Variants in NPNT observed in about 807,000 individuals in gnomAD.
NPNT encodes the protein preosteoblast EGF-like repeat protein with MAM domain.
Under a neutral mutation model 68.6 loss-of-function variants are expected in NPNT, and 45 were observed. That is an observed-to-expected ratio of 0.66 (90% CI 0.52 to 0.84). The LOEUF is 0.84. Among genes scored for constraint, NPNT ranks in the 40% least tolerant of loss-of-function variants. The probability of loss-of-function intolerance (pLI) is 0.00; values close to 1 mark genes in which losing one functional copy is unlikely to be tolerated. For synonymous variants in NPNT, 233 were observed against 253.3 expected (o/e 0.92, Z 0.76); for missense variants, 672 against 714.8 (o/e 0.94, Z 0.68).
At chr4:105,930,384 T>A (rs1287241607) in intron 3 of NPNT, among the ~76,000 whole-genome samples, 1 of 152,200 alleles carries the variant, frequency 6.6e-6, no homozygotes, top group Non-Finnish European at 1.5e-5. Context: ...AGTCTCTGCA[T>A]CCATAGACTT....
chr4:105,930,222 A>C (rs971925987), intron 3 of NPNT, among the ~76,000 whole-genome samples: 2 of 152,194 alleles, frequency 1.3e-5, no homozygotes, highest in African/African-American at 4.8e-5. Flanking sequence ...TCTGATTTCT[A>C]AGTTCCTGAA....
Position 105,967,302 on chromosome 4 carries a change from A to G in NPNT, c.1460A>G (p.His487Arg). The G allele has an allele frequency of 6.2e-7, 1 of 1,614,020 alleles. No individual in the cohort carries two copies. The highest frequency in any genetic ancestry group is 8.5e-7 in the Non-Finnish European group (1 of 1,179,998). Residue 487 changes from histidine (H) to arginine (R), a missense_variant, in exon 11 of 12, where the codon CAC becomes CGC. Transcript: ENST00000379987. ...GGGGACCTGTGCCTGTCATTCAGGC[A>G]CAAGGTGACGGGGCTGCACTCTGGC... Reference protein sequence around the residue: ...HSGDLCLSFRHKVTGLHSGTL... With the variant: ...HSGDLCLSFRRKVTGLHSGTL...
intron 3 of NPNT, chr4:105,932,714 A>G (rs747032785): frequency 3.1e-5 from 47 of 1,528,448 alleles, no homozygotes; most frequent in Non-Finnish European, 4.1e-5. Flanking sequence ...GTGAGCGTGC[A>G]TTGTCCCAGG....
At chr4:105,952,533 C>T (rs1278198193) in intron 8 of NPNT, among the ~76,000 whole-genome samples, 1 of 152,144 alleles carries the variant, frequency 6.6e-6, no homozygotes, top group Non-Finnish European at 1.5e-5. Flanking sequence ...CAGAGCGAGA[C>T]TCTATCTCCA....
At chr4:105,959,159 A>C (rs1416020030) in intron 10 of NPNT, 33 bp downstream of exon 10, 1 of 1,349,826 alleles carries the variant, frequency 7.4e-7, no homozygotes, top group East Asian at 2.3e-5. Context: ...TTTCTGGTAC[A>C]CATTTCAATG....
chr4:105,943,415 G>A (rs1320771646), intron 8 of NPNT, among the ~76,000 whole-genome samples: 2 of 152,172 alleles, frequency 1.3e-5, no homozygotes, highest in African/African-American at 2.4e-5. Flanking sequence ...TCATGTCAGG[G>A]ACAGATGAGA....
chr4:105,965,298 CTTAG>C (rs1423206275), intron 10 of NPNT, among the ~76,000 whole-genome samples: 1 of 147,286 alleles, frequency 6.8e-6, no homozygotes, highest in Non-Finnish European at 1.5e-5. Context: ...CAATTTTTCC[CTTAG>C]TTAATGTTCC....
At chr4:105,944,088 T>G (rs10033065) in intron 8 of NPNT, among the ~76,000 whole-genome samples, 132,124 of 152,184 alleles carry the variant, frequency 0.87, 57,960 homozygotes, top group East Asian at 1. Context: ...TAAAGAAAGA[T>G]GGAAATTCTC....
In NPNT at chr4:105,959,908, CAATG is replaced by C. The variant is rs1323171090; in HGVS notation, c.1345+786_1345+789del. Among the ~76,000 whole-genome samples the C allele has an allele frequency of 2.7e-5, 4 of 149,646 alleles. No homozygotes were observed. The East Asian group carries it at 7.9e-4, about 30-fold the overall frequency. On this transcript the variant is annotated intron_variant, in intron 10 of 11. Coordinates refer to ENST00000379987, the MANE Select transcript of NPNT (RefSeq NM_001033047.3). The stretch of plus-strand genomic sequence containing the variant: ...CACTGCAACCTCTGCCTCCTGGGTT[CAATG>C]AATTCTCCTGCCTCAGCCTCCCAAG...
intron 2 of NPNT, among the ~76,000 whole-genome samples, chr4:105,902,362 C>T (rs1451555899): frequency 6.6e-6 from 1 of 152,076 alleles, no homozygotes. Flanking sequence ...AAACGTAAAG[C>T]AATTTTTATA....
intron 2 of NPNT, among the ~76,000 whole-genome samples, chr4:105,904,448 C>T (rs1356759676): frequency 6.6e-6 from 1 of 152,128 alleles, no homozygotes; most frequent in Non-Finnish European, 1.5e-5. Flanking sequence ...TCTTTGATCC[C>T]TTTTCTTTCC....
At chr4:105,901,614 T>C (rs1182493599) in intron 2 of NPNT, among the ~76,000 whole-genome samples, 2 of 152,262 alleles carry the variant, frequency 1.3e-5, no homozygotes, top group Admixed American at 1.3e-4. Context: ...AAGGAAATTA[T>C]GTGAATTAGG....
At chr4:105,962,851 A>ATGTGTGTGTGTGTGTGTG (rs533801417) in intron 10 of NPNT, among the ~76,000 whole-genome samples, 1 of 149,666 alleles carries the variant, frequency 6.7e-6, no homozygotes, top group Non-Finnish European at 1.5e-5. Flanking sequence ...GATGGAGTGT[A>ATGTGTGTGTGTGTGTGTG]TGTGTGTGTG....
intron 2 of NPNT, among the ~76,000 whole-genome samples, chr4:105,922,505 C>T (rs1728332526): frequency 6.6e-6 from 1 of 151,738 alleles, no homozygotes. Context: ...CTGCCTCAGC[C>T]TCCCAAGTAG....
At chr4:105,934,768 T>C (rs145593565) in intron 3 of NPNT, among the ~76,000 whole-genome samples, 2 of 152,344 alleles carry the variant, frequency 1.3e-5, no homozygotes, top group Non-Finnish European at 2.9e-5. Context: ...AGTCCAGATT[T>C]TTTTTTGGAC....
rs72958806 is a variant in NPNT, at chr4:105,971,038, C to T, written c.*2048C>T. Reference sequence around the variant, plus strand: ...AATGTCCTAGTGTGGCGGTGGTTTTCAATGTTTCTTCATGTTAAAGGTATA... The same window carrying T: ...AATGTCCTAGTGTGGCGGTGGTTTTTAATGTTTCTTCATGTTAAAGGTATA... On this transcript the variant is annotated 3_prime_UTR_variant, in exon 12 of 12. Coordinates refer to ENST00000379987, the MANE Select transcript of NPNT (RefSeq NM_001033047.3). 18 of 368,040 alleles carry T rather than the reference C, an allele frequency of 4.9e-5. No individual in the cohort carries two copies. The highest frequency in any genetic ancestry group is 3.9e-5 in the Non-Finnish European group (7 of 179,554). 22.8% of individuals were successfully genotyped at this position (368,040 alleles called of 1,614,324 possible).
rs185815225 is a variant in NPNT, at chr4:105,966,842, A to G, written c.1346-346A>G. 1.1e-4 allele frequency among the ~76,000 whole-genome samples: 16 copies of G among 152,272 alleles called. 1 individual carries two copies. Among genetic ancestry groups the G allele is most frequent in the Admixed American group, 9.8e-4 (15 of 15,302 alleles). On this transcript the variant is annotated intron_variant, in intron 10 of 11. Coordinates refer to ENST00000379987, the MANE Select transcript of NPNT (RefSeq NM_001033047.3). Reference sequence around the variant, plus strand: ...ATCGCCAGGGGTGTTGGACAACGTTATCATAAACTGGTGAGGGTCACAAGG... The same window carrying G: ...ATCGCCAGGGGTGTTGGACAACGTTGTCATAAACTGGTGAGGGTCACAAGG...
intron 2 of NPNT, among the ~76,000 whole-genome samples, chr4:105,915,385 G>C (rs1044615596): frequency 6.6e-6 from 1 of 152,110 alleles, no homozygotes; most frequent in African/African-American, 2.4e-5. Context: ...GTGGCGGGGG[G>C]GCACATGGGC....
chr4:105,907,167 TA>T (rs1359138324), intron 2 of NPNT, among the ~76,000 whole-genome samples: 1 of 152,202 alleles, frequency 6.6e-6, no homozygotes, highest in African/African-American at 2.4e-5. Context: ...ATACTCTGCA[TA>T]TCAACATCCC....
Sources: allele counts gnomAD v4.1 joint callset (sites outside exome capture counted in the v4.1 genomes callset), GRCh38; gene constraint gnomAD v4.1.1; transcripts MANE v1.5; gene names NCBI Gene and HGNC (gene_info 2026-07-23, HGNC 2026-07-21).